GALNT13: variants seen among roughly 807,000 people sequenced by gnomAD.
GALNT13 encodes the protein polypeptide N-acetylgalactosaminyltransferase 13.
In GALNT13, 28 loss-of-function variants were observed where a neutral mutation model predicts 64.2. The ratio of observed to expected loss-of-function variants is 0.44; its 90% confidence interval spans 0.32 to 0.60. GALNT13 has a LOEUF of 0.60. Ranked by LOEUF, GALNT13 falls within the 20% of genes least tolerant of loss-of-function variation. The pLI, the probability that GALNT13 is intolerant of heterozygous loss-of-function variation, is 0.05. For missense variants in GALNT13, 577 were observed against 669.8 expected (o/e 0.86, Z 1.53); for synonymous variants, 214 against 224.6 (o/e 0.95, Z 0.42).
intron 8 of GALNT13, among the ~76,000 whole-genome samples, chr2:154,267,298 T>C (rs995202579): frequency 9.2e-5 from 14 of 152,004 alleles, no homozygotes; most frequent in African/African-American, 3.4e-4. Flanking sequence ...AAAGTATGAG[T>C]CATAAGAGAA....
the GALNT13 span, among the ~76,000 whole-genome samples, chr2:153,125,765 GCTGT>G: frequency 6.6e-6 from 1 of 152,272 alleles, no homozygotes; most frequent in African/African-American, 2.4e-5. Flanking sequence ...ATGTGTGATT[GCTGT>G]CTAATTAGAA....
chr2:153,933,984 A>G (rs1690719270), intron 2 of GALNT13, among the ~76,000 whole-genome samples: 1 of 152,098 alleles, frequency 6.6e-6, no homozygotes, highest in African/African-American at 2.4e-5. Context: ...ATGGGGTTCC[A>G]TTTGTAGGTC....
chr2:154,016,446 C>T (rs1697009207), intron 3 of GALNT13, among the ~76,000 whole-genome samples: 1 of 152,134 alleles, frequency 6.6e-6, no homozygotes, highest in Non-Finnish European at 1.5e-5. Context: ...TTGACAGAGT[C>T]TCGCTCTGTC....
At chr2:153,943,794 T>A (rs1026582342) in intron 2 of GALNT13, among the ~76,000 whole-genome samples, 2 of 152,188 alleles carry the variant, frequency 1.3e-5, no homozygotes, top group East Asian at 3.9e-4. Context: ...CGTGCCCAGC[T>A]CTGTTTTATG....
chr2:153,286,927 A>C, the GALNT13 span, among the ~76,000 whole-genome samples: 1 of 152,240 alleles, frequency 6.6e-6, no homozygotes, highest in African/African-American at 2.4e-5. Context: ...AAGAAAAAAA[A>C]ACCTTATAAA....
At chr2:153,778,851 C>T in the GALNT13 span, among the ~76,000 whole-genome samples, 2 of 152,112 alleles carry the variant, frequency 1.3e-5, no homozygotes, top group African/African-American at 4.8e-5. Flanking sequence ...AGTTTTTCTT[C>T]ATTATTTTTC....
At chr2:154,184,212 T>A (rs1360956266) in intron 4 of GALNT13, among the ~76,000 whole-genome samples, 1 of 152,118 alleles carries the variant, frequency 6.6e-6, no homozygotes. Flanking sequence ...ATAATCTATT[T>A]TTTATATACA....
the GALNT13 span, among the ~76,000 whole-genome samples, chr2:153,362,015 CA>C: frequency 1.3e-5 from 2 of 152,180 alleles, no homozygotes; most frequent in African/African-American, 4.8e-5. Context: ...AGACTAACAG[CA>C]GATCTCTCAG....
the GALNT13 span, among the ~76,000 whole-genome samples, chr2:153,772,378 C>G: frequency 6.6e-6 from 1 of 152,304 alleles, no homozygotes; most frequent in Admixed American, 6.5e-5. Flanking sequence ...TAGGTGCTCT[C>G]TCTTGGCCTG....
At chr2:153,769,330 C>A in the GALNT13 span, among the ~76,000 whole-genome samples, 2 of 141,774 alleles carry the variant, frequency 1.4e-5, no homozygotes, top group Non-Finnish European at 1.6e-5. Flanking sequence ...ATTTATTTTT[C>A]ATTTATGAAG....
intron 1 of GALNT13, among the ~76,000 whole-genome samples, chr2:153,892,985 A>G (rs1014289355): frequency 1.3e-5 from 2 of 152,062 alleles, no homozygotes; most frequent in Non-Finnish European, 2.9e-5. Context: ...TTCCCTCACA[A>G]GATATGAAGT....
intron 3 of GALNT13, among the ~76,000 whole-genome samples, chr2:154,126,772 G>T (rs1682302710): frequency 6.6e-6 from 1 of 152,152 alleles, no homozygotes. Flanking sequence ...AGAATGCAAG[G>T]TAATGTGGGC....
chr2:153,820,166 T>C, the GALNT13 span, among the ~76,000 whole-genome samples: 1 of 152,176 alleles, frequency 6.6e-6, no homozygotes, highest in Admixed American at 6.5e-5. Flanking sequence ...AGGCTGGTCT[T>C]TTTTAAAAAC....
At chr2:154,311,309 G>A (rs2105129054) in intron 9 of GALNT13, among the ~76,000 whole-genome samples, 1 of 152,142 alleles carries the variant, frequency 6.6e-6, no homozygotes, top group Non-Finnish European at 1.5e-5. Context: ...GCGTCGACTG[G>A]CTTGAGAAAT....
chr2:154,393,276 C>T (rs867683554), intron 9 of GALNT13, among the ~76,000 whole-genome samples: 1 of 152,150 alleles, frequency 6.6e-6, no homozygotes, highest in African/African-American at 2.4e-5. Flanking sequence ...AAAGTCTCTC[C>T]ATCTTGTAGC....
At chr2:153,279,104 T>TG in the GALNT13 span, among the ~76,000 whole-genome samples, 2 of 152,020 alleles carry the variant, frequency 1.3e-5, no homozygotes, top group African/African-American at 4.8e-5. Flanking sequence ...AGGTATTTTT[T>TG]TGTGTGTGTG....
At chr2:153,231,049 C>T in the GALNT13 span, among the ~76,000 whole-genome samples, 4 of 152,152 alleles carry the variant, frequency 2.6e-5, no homozygotes, top group Non-Finnish European at 5.9e-5. Flanking sequence ...TAATGCTCCT[C>T]CACTATTTTG....
At chr2:153,811,922 T>C in the GALNT13 span, among the ~76,000 whole-genome samples, 1 of 152,218 alleles carries the variant, frequency 6.6e-6, no homozygotes, top group African/African-American at 2.4e-5. Flanking sequence ...TAAATTGAGA[T>C]ATAATAAACA....
chr2:153,108,866 A>G, the GALNT13 span, among the ~76,000 whole-genome samples: 1 of 152,152 alleles, frequency 6.6e-6, no homozygotes, highest in Non-Finnish European at 1.5e-5. Context: ...ATAATTTCTA[A>G]CCATGTGCTG....
Sources: gnomAD v4.1 joint callset for allele counts (sites outside exome capture counted in the v4.1 genomes callset) on GRCh38, gnomAD v4.1.1 for gene constraint, MANE v1.5 for transcripts, NCBI Gene and HGNC (gene_info 2026-07-23, HGNC 2026-07-21) for gene names.